Variants in ACYP2 observed in about 807,000 individuals in gnomAD.
ACYP2 encodes the protein acylphosphatase 2, also known as acylphosphatase-2.
A neutral mutation model predicts 11.2 loss-of-function variants in ACYP2; 12 were observed. The ratio of observed to expected loss-of-function variants is 1.08; its 90% confidence interval spans 0.69 to 1.74. ACYP2 has a LOEUF of 1.74. ACYP2 is among the 40% of genes most tolerant of loss of function. ACYP2 has a pLI of 0.00. For missense variants in ACYP2, 134 were observed against 101.9 expected, an observed-to-expected ratio of 1.31 and a Z score of -1.35; for synonymous variants, 43 against 32.2, an observed-to-expected ratio of 1.33 and a Z score of -1.13.
chr2:54,085,650 T>C (rs947304589), intron 4 of ACYP2, among the ~76,000 whole-genome samples: 2 of 152,150 alleles, frequency 1.3e-5, no homozygotes, highest in East Asian at 1.9e-4. Flanking sequence ...TCTCTGAAAG[T>C]TGAAGTTTCC....
At chr2:54,279,724 T>G (rs1159313006) in intron 6 of ACYP2, among the ~76,000 whole-genome samples, 2 of 152,154 alleles carry the variant, frequency 1.3e-5, no homozygotes, top group Non-Finnish European at 2.9e-5. Context: ...AAAGGCAAAA[T>G]GAATACATGG....
At chr2:54,200,353 T>C (rs1257790091) in intron 6 of ACYP2, among the ~76,000 whole-genome samples, 3 of 152,146 alleles carry the variant, frequency 2.0e-5, no homozygotes, top group Non-Finnish European at 4.4e-5. Context: ...GAAGATTAAA[T>C]GAGATTATAG....
intron 4 of ACYP2, among the ~76,000 whole-genome samples, chr2:54,114,380 CA>C (rs58390248): frequency 0.037 from 3,882 of 104,308 alleles, 92 homozygotes; most frequent in African/African-American, 0.085. Flanking sequence ...TCAAGACAAT[CA>C]AAAAAAAAAA....
chr2:54,098,726 C>CTTTTTTTTTTTTTTTTT (rs34123335), intron 4 of ACYP2, among the ~76,000 whole-genome samples: 1 of 140,756 alleles, frequency 7.1e-6, no homozygotes. Flanking sequence ...GACAATGTCC[C>CTTTTTTTTTTTTTTTTT]TTTTTTTTTT....
chr2:54,085,893 A>T (rs1003750114), intron 4 of ACYP2, among the ~76,000 whole-genome samples: 1 of 152,148 alleles, frequency 6.6e-6, no homozygotes, highest in Non-Finnish European at 1.5e-5. Context: ...ATATATAAAG[A>T]CTATGTATAG....
intron 6 of ACYP2, among the ~76,000 whole-genome samples, chr2:54,223,775 G>A (rs937663640): frequency 1.1e-4 from 17 of 152,096 alleles, no homozygotes; most frequent in Middle Eastern, 6.3e-3. Flanking sequence ...CTTTAATTTA[G>A]GAAATAATTT....
intron 6 of ACYP2, among the ~76,000 whole-genome samples, chr2:54,284,766 C>G (rs950899944): frequency 6.6e-6 from 1 of 152,142 alleles, no homozygotes; most frequent in African/African-American, 2.4e-5. Flanking sequence ...CATTCCCTCC[C>G]AGCAGGCTTT....
intron 6 of ACYP2, among the ~76,000 whole-genome samples, chr2:54,258,091 A>C (rs906490693): frequency 6.6e-6 from 1 of 152,230 alleles, no homozygotes; most frequent in Non-Finnish European, 1.5e-5. Flanking sequence ...GAACAGACCA[A>C]AGATTTCTTC....
intron 2 of ACYP2, among the ~76,000 whole-genome samples, chr2:53,982,130 T>C (rs1392985467): frequency 6.6e-6 from 1 of 152,082 alleles, no homozygotes; most frequent in African/African-American, 2.4e-5. Flanking sequence ...AAAGAGGACG[T>C]ACACTCTTTC....
Position 54,041,992 on chromosome 2 carries a change from A to G in ACYP2, c.63-8966A>G, listed in dbSNP as rs1675256205. 3.5e-5 allele frequency among the ~76,000 whole-genome samples: 5 copies of G among 143,540 alleles called. No individual in the cohort carries two copies. The South Asian group carries it at 1.1e-3, about 32-fold the overall frequency. The allele number at this position is 143,540 out of a possible 152,430, so 94.2% of individuals were successfully genotyped here. On this transcript the variant is annotated intron_variant, in intron 2 of 6. Coordinates refer to ENST00000607452, the MANE Select transcript of ACYP2 (RefSeq NM_001320586.2). ...TTTCTGTCTCCGGTCCATTGCTTCA[A>G]ACTCACTTTATTCTTTCTTTTTTTT...
chr2:54,099,916 C>T (rs936952423), intron 4 of ACYP2, among the ~76,000 whole-genome samples: 11 of 152,170 alleles, frequency 7.2e-5, no homozygotes, highest in Admixed American at 7.2e-4. Flanking sequence ...ACCAACAATG[C>T]GCAATGTTCC....
intron 4 of ACYP2, among the ~76,000 whole-genome samples, chr2:54,131,630 G>T (rs1002097536): frequency 6.6e-6 from 1 of 152,126 alleles, no homozygotes; most frequent in African/African-American, 2.4e-5. Context: ...AGGCAACAAT[G>T]ACATGCAAAT....
intron 6 of ACYP2, among the ~76,000 whole-genome samples, chr2:54,297,203 A>T (rs1282511585): frequency 3.3e-5 from 5 of 151,794 alleles, no homozygotes; most frequent in African/African-American, 1.2e-4. Flanking sequence ...AAGAAATTTG[A>T]AATTATCTGG....
chr2:54,099,688 C>T (rs892530222), intron 4 of ACYP2, among the ~76,000 whole-genome samples: 1 of 152,096 alleles, frequency 6.6e-6, no homozygotes, highest in Non-Finnish European at 1.5e-5. Context: ...GATGGACACT[C>T]AGGTCCATAT....
chr2:54,006,470 A>C (rs906159687), intron 2 of ACYP2, among the ~76,000 whole-genome samples: 1 of 151,666 alleles, frequency 6.6e-6, no homozygotes, highest in African/African-American at 2.4e-5. Flanking sequence ...TTTTTTGTAG[A>C]GATGGTGTCT....
chr2:54,255,576 C>T (rs750084547), intron 6 of ACYP2: 5 of 1,613,122 alleles, frequency 3.1e-6, no homozygotes, highest in Admixed American at 1.7e-5. Flanking sequence ...GGGGCCCGGG[C>T]CCGGGCCCAG....
intron 6 of ACYP2, among the ~76,000 whole-genome samples, chr2:54,143,955 T>G (rs968937866): frequency 1.3e-5 from 2 of 152,080 alleles, no homozygotes; most frequent in African/African-American, 2.4e-5. Context: ...ACCTTTTCAA[T>G]CTACCCTGTG....
chr2:54,274,504 G>A (rs768321850), intron 6 of ACYP2, among the ~76,000 whole-genome samples: 1 of 151,572 alleles, frequency 6.6e-6, no homozygotes, highest in Admixed American at 6.6e-5. Context: ...AACCAGGTAC[G>A]GTGGTGCACA....
At chr2:54,018,474 A>T (rs72800707) in intron 2 of ACYP2, among the ~76,000 whole-genome samples, 2 of 151,908 alleles carry the variant, frequency 1.3e-5, no homozygotes, top group Non-Finnish European at 2.9e-5. Context: ...TAATTCAATT[A>T]ATTGTTGCCA....
Sources: gnomAD v4.1 joint callset for allele counts (sites outside exome capture counted in the v4.1 genomes callset) on GRCh38, gnomAD v4.1.1 for gene constraint, MANE v1.5 for transcripts, NCBI Gene and HGNC (gene_info 2026-07-23, HGNC 2026-07-21) for gene names.